Variants in UHRF2 observed in about 807,000 individuals in gnomAD.
UHRF2 encodes the protein ubiquitin like with PHD and ring finger domains 2, also known as E3 ubiquitin-protein ligase UHRF2.
UHRF2 carries 23 observed loss-of-function variants against 96.8 expected under a neutral mutation model. That is an observed-to-expected ratio of 0.24 (90% CI 0.17 to 0.34). The LOEUF (loss-of-function observed/expected upper bound fraction) is 0.34, where lower values mean the gene tolerates loss of function less well. Ranked by LOEUF, UHRF2 falls within the 10% of genes least tolerant of loss-of-function variation. The probability of loss-of-function intolerance (pLI) is 1.00; values close to 1 mark genes in which losing one functional copy is unlikely to be tolerated. For synonymous variants in UHRF2, 385 were observed against 332.6 expected (o/e 1.16, Z -1.72); for missense variants, 685 against 981.5 (o/e 0.70, Z 4.04).
intron 10 of UHRF2, chr9:6,494,238 A>G (rs1824838012): frequency 2.2e-5 from 6 of 271,576 alleles, no homozygotes; most frequent in Non-Finnish European, 4.1e-5. Context: ...TGGCTTGTCT[A>G]CTACTCCATT....
rs530766938 is a variant in UHRF2, at chr9:6,506,071, C to T, written c.2301C>T (p.Ser767=). 2.5e-6 allele frequency: 4 copies of T among 1,614,188 alleles called. No homozygotes were observed. The African/African-American group carries it at 5.3e-5, about 22-fold the overall frequency. Residue 767 remains serine (S), a synonymous_variant, in exon 16 of 16, where the codon TCC becomes TCT. Coordinates refer to ENST00000276893, the MANE Select transcript of UHRF2 (RefSeq NM_152896.3). ...LQRSFKAQVF[S]CPACRHDLGQ... Reference sequence around the variant, plus strand: ...GCTCCTTTAAGGCACAGGTTTTCTCCTGCCCTGCTTGCCGGCATGATCTTG... The same window carrying T: ...GCTCCTTTAAGGCACAGGTTTTCTCTTGCCCTGCTTGCCGGCATGATCTTG...
intron 3 of UHRF2, among the ~76,000 whole-genome samples, chr9:6,455,178 G>A (rs1183715744): frequency 6.6e-6 from 1 of 152,162 alleles, no homozygotes; most frequent in Non-Finnish European, 1.5e-5. Context: ...TAGGGTGCAT[G>A]TGCACAACGA....
chr9:6,434,285 A>G (rs941124957), intron 3 of UHRF2, 112 bp downstream of exon 3: 6 of 1,326,228 alleles, frequency 4.5e-6, no homozygotes, highest in South Asian at 1.6e-5. Context: ...TTTAGAGGTT[A>G]TGTTCATTTG....
chr9:6,422,745 A>T (rs999112883), intron 2 of UHRF2: 17 of 483,906 alleles, frequency 3.5e-5, no homozygotes, highest in African/African-American at 3.0e-4. Context: ...AAGTGCTGGG[A>T]TACAGGCGTG....
At chr9:6,466,455 A>G (rs916472198) in intron 4 of UHRF2, among the ~76,000 whole-genome samples, 5 of 150,200 alleles carry the variant, frequency 3.3e-5, no homozygotes, top group African/African-American at 4.9e-5. Flanking sequence ...CAGGAGAATC[A>G]CTTTAACTCA....
At chr9:6,481,905 T>G (rs945468137) in intron 7 of UHRF2, 87 bp from the exon 8 acceptor site, 2 of 1,546,012 alleles carry the variant, frequency 1.3e-6, no homozygotes, top group African/African-American at 2.7e-5. Flanking sequence ...ACATAAACAG[T>G]TGGGTTCCTA....
chr9:6,437,315 C>G (rs1820910531), intron 3 of UHRF2, among the ~76,000 whole-genome samples: 4 of 152,208 alleles, frequency 2.6e-5, no homozygotes. Flanking sequence ...TCGCTGCAAC[C>G]TCTGCCTTGC....
chr9:6,504,766 C>T, intron 15 of UHRF2, 75 bp downstream of exon 15: 4 of 1,194,402 alleles, frequency 3.3e-6, no homozygotes, highest in Non-Finnish European at 4.8e-6. Flanking sequence ...TTTTAGCATG[C>T]TAAGAAGCAT....
In UHRF2 at chr9:6,418,668, A is replaced by G. The variant is rs527995590; in HGVS notation, c.154-2244A>G. 2.0e-5 allele frequency among the ~76,000 whole-genome samples: 3 copies of G among 152,322 alleles called. No homozygotes were observed. In the East Asian group the frequency reaches 5.8e-4, roughly 29 times the overall value. On this transcript the variant is annotated intron_variant, in intron 1 of 15. Transcript: ENST00000276893. ...AAAATGAGCAATTTAAAAATTGATT[A>G]TGTTTCTGGGAAAGTGATAGTTGTG...
chr9:6,445,070 C>T (rs1443981364), intron 3 of UHRF2, among the ~76,000 whole-genome samples: 1 of 137,554 alleles, frequency 7.3e-6, no homozygotes. Flanking sequence ...GTGGGAGGAT[C>T]ATTTGAGCTC....
intron 2 of UHRF2, among the ~76,000 whole-genome samples, chr9:6,431,544 C>A (rs1338524621): frequency 3.3e-5 from 5 of 151,986 alleles, no homozygotes; most frequent in Non-Finnish European, 7.4e-5. Flanking sequence ...TGTGATCACA[C>A]CACTGCATCC....
chr9:6,462,293 T>TC (rs1822591889), intron 4 of UHRF2, among the ~76,000 whole-genome samples: 2 of 151,116 alleles, frequency 1.3e-5, no homozygotes, highest in African/African-American at 4.9e-5. Context: ...TTCTGGCTCT[T>TC]CGTGGGAAAA....
At chr9:6,504,761 G>A (rs1816495276) in intron 15 of UHRF2, 70 bp downstream of exon 15, 8 of 1,272,420 alleles carry the variant, frequency 6.3e-6, no homozygotes, top group Non-Finnish European at 3.3e-6. Context: ...CCTGTTTTTA[G>A]CATGCTAAGA....
At chr9:6,462,011 TAAGAGAAACAGCTAAACGAA>T (rs1822573064) in intron 4 of UHRF2, among the ~76,000 whole-genome samples, 1 of 150,708 alleles carries the variant, frequency 6.6e-6, no homozygotes, top group African/African-American at 2.4e-5. Context: ...AAAAAAAAAA[TAAGAGAAACAGCTAAACGAA>T]TATTTGTGTC....
intron 2 of UHRF2, chr9:6,422,531 C>G (rs1028976224): frequency 2.3e-6 from 1 of 436,978 alleles, no homozygotes; most frequent in Non-Finnish European, 4.2e-6. Context: ...ATCTATAGAT[C>G]AGCTTGGAGA....
chr9:6,454,403 A>G (rs1587818058), intron 3 of UHRF2, among the ~76,000 whole-genome samples: 1 of 152,308 alleles, frequency 6.6e-6, no homozygotes, highest in East Asian at 1.9e-4. Context: ...GCTAAGTGTT[A>G]GATCTGTTGT....
intron 4 of UHRF2, among the ~76,000 whole-genome samples, chr9:6,474,959 A>G (rs1587847298): frequency 2.0e-5 from 3 of 152,252 alleles, no homozygotes; most frequent in African/African-American, 4.8e-5. Context: ...TCACAAAAGT[A>G]TATAAAAATA....
intron 15 of UHRF2, among the ~76,000 whole-genome samples, chr9:6,505,184 C>G (rs896384008): frequency 6.6e-6 from 1 of 151,922 alleles, no homozygotes; most frequent in East Asian, 1.9e-4. Flanking sequence ...ACTTCAGTTT[C>G]TTTTATAAAA....
chr9:6,460,704 A>G lies in UHRF2; in HGVS notation c.776A>G (p.Gln259Arg). Residue 259 changes from glutamine (Q) to arginine (R), a missense_variant, in exon 4 of 16, where the codon CAA becomes CGA. This residue lies in a region of UHRF2 where 391 missense variants were observed against 437.0 expected (regional missense o/e 0.89). Coordinates refer to ENST00000276893, the MANE Select transcript of UHRF2 (RefSeq NM_152896.3). Reference sequence around the variant, plus strand: ...AATTATAATGTAGAAAGTCCTGGACAAAGAGGATTCTGGTTTGATGCAGAA... The same window carrying G: ...AATTATAATGTAGAAAGTCCTGGACGAAGAGGATTCTGGTTTGATGCAGAA... ...MVNYNVESPG[Q>R]RGFWFDAEIT... 1 of 1,613,984 alleles carries G rather than the reference A, an allele frequency of 6.2e-7. No individual in the cohort carries two copies. The highest frequency in any genetic ancestry group is 8.5e-7 in the Non-Finnish European group (1 of 1,179,972).
Sources: allele counts gnomAD v4.1 joint callset (sites outside exome capture counted in the v4.1 genomes callset), GRCh38; gene constraint gnomAD v4.1.1; regional missense constraint gnomAD v4.1.1; transcripts MANE v1.5; gene names NCBI Gene and HGNC (gene_info 2026-07-23, HGNC 2026-07-21).